NOL7: variants seen among roughly 807,000 people sequenced by gnomAD.
NOL7 encodes the protein U3 small nucleolar RNA-associated protein NOL7.
In NOL7, 36 loss-of-function variants were observed where a neutral mutation model predicts 38.4. That is an observed-to-expected ratio of 0.94 (90% CI 0.72 to 1.24). The LOEUF is 1.24. Among genes scored for constraint, NOL7 ranks in the 50% most tolerant of loss-of-function variants. The probability of loss-of-function intolerance (pLI) is 0.00; values close to 1 mark genes in which losing one functional copy is unlikely to be tolerated. For synonymous variants in NOL7, 142 were observed against 126.5 expected, an observed-to-expected ratio of 1.12 and a Z score of -0.82; for missense variants, 350 against 315.1, an observed-to-expected ratio of 1.11 and a Z score of -0.84.
Position 13,615,432 on chromosome 6 carries a change from C to T in NOL7, c.74C>T (p.Ala25Val), listed in dbSNP as rs1764248023. The change falls in exon 1 of 8, where the codon GCC becomes GTC. Residue 25 changes from alanine (A) to valine (V), a missense_variant. Transcript: ENST00000451315. Reference sequence around the variant, plus strand: ...GCGATGGTGGACGAGGGCCAGCTGGCCTCGGAGGAGGAGGAGGCGGAGCAC... The same window carrying T: ...GCGATGGTGGACGAGGGCCAGCTGGTCTCGGAGGAGGAGGAGGCGGAGCAC... ...AEAMVDEGQL[A>V]SEEEEAEHGL... The T allele has an allele frequency of 1.3e-6, 2 of 1,548,422 alleles. No homozygotes were observed. The highest frequency in any genetic ancestry group is 2.7e-5 in the African/African-American group (2 of 73,126).
In NOL7 at chr6:13,616,650, A is replaced by G. The variant is rs1045092582; in HGVS notation, c.386+129A>G. On this transcript the variant is annotated intron_variant, in intron 3 of 7. Coordinates refer to ENST00000451315, the MANE Select transcript of NOL7 (RefSeq NM_016167.5). ...CCAAATTCAAAAGCTACCTTGGTAT[A>G]TGAATTTGATGGGAAAGACGGAGGT... 23 of 609,248 alleles carry G rather than the reference A, an allele frequency of 3.8e-5. No individual in the cohort carries two copies. The South Asian group carries it at 3.8e-4, about 10-fold the overall frequency. The allele number at this position is 609,248 out of a possible 1,614,324, so 37.7% of individuals were successfully genotyped here. A position where few individuals can be genotyped will look rare whatever the true frequency, so the allele number is the denominator to read the frequency against.
rs1764441144 is a variant in NOL7 at position 13,621,455 on chromosome 6, A to G, written c.*628A>G. ...GCTCTAATTTTCATAGTAATCATAA[A>G]AAGTATGCAAGTACCTAATATATAA... On this transcript the variant is annotated 3_prime_UTR_variant, in exon 8 of 8. Coordinates refer to ENST00000451315, the MANE Select transcript of NOL7 (RefSeq NM_016167.5). 1 of 152,596 alleles carries G rather than the reference A, an allele frequency of 6.6e-6. No individual in the cohort carries two copies. The highest frequency in any genetic ancestry group is 1.5e-5 in the Non-Finnish European group (1 of 68,048). The allele number at this position is 152,596 out of a possible 1,614,324, so 9.5% of individuals were successfully genotyped here.
At chr6:13,625,771 A>G (rs771839656), downstream of NOL7, 6 of 1,557,632 alleles carry the variant, frequency 3.9e-6, no homozygotes, top group Non-Finnish European at 5.3e-6. Flanking sequence ...CATCCTGTTG[A>G]AAACACATCG....
intron 3 of NOL7, 124 bp downstream of exon 3, chr6:13,616,645 G>C (rs1764297834): frequency 1.6e-6 from 1 of 622,502 alleles, no homozygotes; most frequent in South Asian, 2.4e-5. Context: ...AAGCTACCTT[G>C]GTATATGAAT....
At chr6:13,624,386 T>C (rs1764542107), downstream of NOL7, among the ~76,000 whole-genome samples, 1 of 152,182 alleles carries the variant, frequency 6.6e-6, no homozygotes, top group Admixed American at 6.5e-5. Flanking sequence ...CTTCCTAAAC[T>C]AGTTTGAAAT....
At chr6:13,630,843 AT>A (rs879343525) in intron 8 of NOL7, among the ~76,000 whole-genome samples, 579 of 144,400 alleles carry the variant, frequency 4.0e-3, no homozygotes, top group African/African-American at 7.8e-3. Flanking sequence ...TCATTTTTCT[AT>A]TTTTTTTTTT....
intron 3 of NOL7, among the ~76,000 whole-genome samples, chr6:13,617,067 T>A (rs1161001074): frequency 6.6e-6 from 1 of 152,142 alleles, no homozygotes; most frequent in Admixed American, 6.5e-5. Context: ...AGGCTTTAAA[T>A]TCAGAAATTC....
Position 13,620,319 on chromosome 6 carries a change from C to G in NOL7, c.612C>G (p.Asn204Lys), listed in dbSNP as rs1349541983. The G allele has an allele frequency of 7.4e-6, 12 of 1,614,040 alleles. No homozygotes were observed. Among genetic ancestry groups the G allele is most frequent in the Admixed American group, 1.7e-5 (1 of 59,982 alleles). The part of the protein sequence containing the change: ...IHNSLYGPGT[N>K]RTTVNKFLSL... Reference sequence around the variant, plus strand: ...ATTCATTATATGGGCCAGGAACCAACAGGACTACTGGTAATTTTTTTATGG... The same window carrying G: ...ATTCATTATATGGGCCAGGAACCAAGAGGACTACTGGTAATTTTTTTATGG... The change falls in exon 6 of 8, where the codon AAC becomes AAG. Residue 204 changes from asparagine to lysine, a missense_variant. Transcript: ENST00000451315.
In NOL7 at chr6:13,616,462, G is replaced by T; in HGVS notation, c.328-1G>T. 6.2e-7 allele frequency: 1 copy of T among 1,604,006 alleles called. No homozygotes were observed. The highest frequency in any genetic ancestry group is 1.7e-4 in the Middle Eastern group (1 of 6,028). ...AATTTTAAACGTTTTCATTCCAAAA[G>T]AAAAGAAAACTCCTTCCAGACACTA... On this transcript the variant is annotated splice_acceptor_variant, in intron 2 of 7. Coordinates refer to ENST00000451315, the MANE Select transcript of NOL7 (RefSeq NM_016167.5). LOFTEE classifies it high-confidence loss of function.
intron 3 of NOL7, among the ~76,000 whole-genome samples, 155 bp downstream of exon 3, chr6:13,616,676 A>G (rs988642939): frequency 6.6e-6 from 1 of 152,260 alleles, no homozygotes; most frequent in Non-Finnish European, 1.5e-5. Context: ...AGACGGAGGT[A>G]ACGTTCTACT....
chr6:13,620,136 CTG>C, intron 5 of NOL7, 70 bp from the exon 6 acceptor site: 4 of 1,509,268 alleles, frequency 2.7e-6, no homozygotes, highest in Non-Finnish European at 3.6e-6. Flanking sequence ...GAGCGAGACT[CTG>C]TCTCAGGAAG....
Position 13,620,134 on chromosome 6 carries a change from C to G in NOL7, c.501-74C>G, listed in dbSNP as rs1244668715. 1.1e-5 allele frequency: 17 copies of G among 1,510,694 alleles called. No homozygotes were observed. In the East Asian group the frequency reaches 3.9e-4, roughly 35 times the overall value. 93.6% of individuals were successfully genotyped at this position (1,510,694 alleles called of 1,614,324 possible). On this transcript the variant is annotated intron_variant, in intron 5 of 7. Transcript: ENST00000451315. The stretch of plus-strand genomic sequence containing the variant: ...GCGCAGCCTGGGTGACAGAGCGAGA[C>G]TCTGTCTCAGGAAGAAAAAAAAAAG...
At chr6:13,629,921 CG>C (rs1379049562) in intron 8 of NOL7, among the ~76,000 whole-genome samples, 54 of 128,424 alleles carry the variant, frequency 4.2e-4, no homozygotes, top group Admixed American at 1.6e-3. Flanking sequence ...CTCTCTCTCT[CG>C]TGTGTGTGTG....
chr6:13,630,348 C>G (rs1458952612), intron 8 of NOL7, among the ~76,000 whole-genome samples: 1 of 152,050 alleles, frequency 6.6e-6, no homozygotes, highest in East Asian at 1.9e-4. Flanking sequence ...TGAGAATTGG[C>G]CATATAATGC....
chr6:13,616,485 C>G lies in NOL7; in HGVS notation c.350C>G (p.Thr117Ser). Residue 117 changes from threonine (T) to serine (S), a missense_variant, in exon 3 of 8, where the codon ACT becomes AGT. By Grantham distance (58) the Thr-to-Ser change is moderately conservative (BLOSUM62 1). Coordinates refer to ENST00000451315, the MANE Select transcript of NOL7 (RefSeq NM_016167.5). ...EQKKRKLLPD[T>S]ILEKLTTASQ... is the part of the protein sequence containing the mutation. Reference sequence around the variant, plus strand: ...AAGAAAAGAAAACTCCTTCCAGACACTATTTTGGAGAAGTTAACCACAGCT... The same window carrying G: ...AAGAAAAGAAAACTCCTTCCAGACAGTATTTTGGAGAAGTTAACCACAGCT... 6.2e-7 allele frequency: 1 copy of G among 1,608,984 alleles called. No homozygotes were observed. Among genetic ancestry groups the G allele is most frequent in the Non-Finnish European group, 8.5e-7 (1 of 1,177,776 alleles).
intron 3 of NOL7, 38 bp downstream of exon 3, chr6:13,616,559 C>CTTGCTTATATAT (rs1276346154): frequency 4.9e-5 from 67 of 1,372,172 alleles, no homozygotes; most frequent in Admixed American, 1.5e-4. Flanking sequence ...TGCTTATATA[C>CTTGCTTATATAT]ACCCATCTTT....
At chr6:13,619,036 T>C (rs771789175) in intron 5 of NOL7, among the ~76,000 whole-genome samples, 1 of 152,268 alleles carries the variant, frequency 6.6e-6, no homozygotes, top group Non-Finnish European at 1.5e-5. Flanking sequence ...GATAGATGTT[T>C]ATTTCAAGAT....
At chr6:13,617,037 A>G (rs186449513) in intron 3 of NOL7, among the ~76,000 whole-genome samples, 5 of 150,218 alleles carry the variant, frequency 3.3e-5, no homozygotes, top group Admixed American at 6.6e-5. Flanking sequence ...TTTTTTTTCT[A>G]TCCTCTTTTT....
chr6:13,615,497 G>A lies in NOL7; in HGVS notation c.139G>A (p.Glu47Lys), dbSNP rs1764250840. 1 of 1,553,354 alleles carries A rather than the reference G, an allele frequency of 6.4e-7. No individual in the cohort carries two copies. Among genetic ancestry groups the A allele is most frequent in the Non-Finnish European group, 8.7e-7 (1 of 1,148,342 alleles). Residue 47 changes from glutamate (E) to lysine (K), a missense_variant, in exon 1 of 8, where the codon GAG becomes AAG. Transcript: ENST00000451315. ...GCAGCCCAGCAGCGGCGCGGCCGCC[G>A]AGCCCCTGGAGGAAGACGAGGAAGG... is the stretch of plus-strand genomic sequence containing the variant. Reference protein sequence around the residue: ...LGQPSSGAAAEPLEEDEEGDD... With the variant: ...LGQPSSGAAAKPLEEDEEGDD...
Sources: gnomAD v4.1 joint callset for allele counts (sites outside exome capture counted in the v4.1 genomes callset) on GRCh38, gnomAD v4.1.1 for gene constraint, MANE v1.5 for transcripts, NCBI Gene and HGNC (gene_info 2026-07-23, HGNC 2026-07-21) for gene names.